ALOX5: variants seen among roughly 807,000 people sequenced by gnomAD.
ALOX5 encodes arachidonate 5-lipoxygenase.
A neutral mutation model predicts 87.9 loss-of-function variants in ALOX5; 64 were observed. That is an observed-to-expected ratio of 0.73 (90% CI 0.60 to 0.90). The LOEUF is 0.90. ALOX5 is among the 40% of genes least tolerant of loss of function. The pLI, the probability that ALOX5 is intolerant of heterozygous loss-of-function variation, is 0.00. For missense variants in ALOX5, 822 were observed against 907.5 expected, an observed-to-expected ratio of 0.91 and a Z score of 1.21; for synonymous variants, 388 against 355.1, an observed-to-expected ratio of 1.09 and a Z score of -1.04.
intron 2 of ALOX5, among the ~76,000 whole-genome samples, chr10:45,384,402 C>T (rs1469628169): frequency 6.6e-6 from 1 of 152,176 alleles, no homozygotes; most frequent in African/African-American, 2.4e-5. Context: ...TAACTTTAAA[C>T]AGCCATTTAA....
At chr10:45,416,257 G>A (rs1371106261) in intron 4 of ALOX5, among the ~76,000 whole-genome samples, 1 of 152,170 alleles carries the variant, frequency 6.6e-6, no homozygotes, top group Non-Finnish European at 1.5e-5. Flanking sequence ...CAAGGTCAAG[G>A]AGTTTGCCTA....
At chr10:45,420,103 T>C (rs1255961953) in intron 4 of ALOX5, among the ~76,000 whole-genome samples, 1 of 152,206 alleles carries the variant, frequency 6.6e-6, no homozygotes, top group Admixed American at 6.5e-5. Context: ...ACAAGTAGGA[T>C]TCTCCCACTT....
At chr10:45,391,399 A>G (rs560671200) in intron 2 of ALOX5, among the ~76,000 whole-genome samples, 9 of 152,220 alleles carry the variant, frequency 5.9e-5, no homozygotes, top group South Asian at 2.1e-4. Flanking sequence ...TCAGTGCTCA[A>G]TGGTGCCCAG....
At chr10:45,440,667 G>A (rs1842206566) in intron 8 of ALOX5, 34 bp downstream of exon 8, 1 of 1,605,012 alleles carries the variant, frequency 6.2e-7, no homozygotes, top group Admixed American at 1.7e-5. Flanking sequence ...TGCTATGGGA[G>A]GGCATCTGAG....
intron 2 of ALOX5, among the ~76,000 whole-genome samples, chr10:45,388,578 AG>A (rs1840083740): frequency 6.6e-6 from 1 of 152,258 alleles, no homozygotes; most frequent in Non-Finnish European, 1.5e-5. Flanking sequence ...TCGGGCAAAC[AG>A]GGTCTGGAGT....
At chr10:45,414,597 TTAAAC>T (rs1348673569) in intron 4 of ALOX5, among the ~76,000 whole-genome samples, 3 of 152,150 alleles carry the variant, frequency 2.0e-5, no homozygotes, top group Non-Finnish European at 4.4e-5. Flanking sequence ...TGGGATCTAA[TTAAAC>T]TAAAGAGCTT....
At chr10:45,387,653 AG>A (rs768427365) in intron 2 of ALOX5, among the ~76,000 whole-genome samples, 6 of 152,166 alleles carry the variant, frequency 3.9e-5, no homozygotes, top group African/African-American at 9.7e-5. Flanking sequence ...GTGAGAACCA[AG>A]CCTGGCTCTT....
chr10:45,445,096 C>T (rs1842395089), intron 13 of ALOX5, among the ~76,000 whole-genome samples: 1 of 152,272 alleles, frequency 6.6e-6, no homozygotes, highest in South Asian at 2.1e-4. Flanking sequence ...CTCCCTGGCC[C>T]GCTTTCTGCC....
chr10:45,419,610 A>C (rs901623821), intron 4 of ALOX5, among the ~76,000 whole-genome samples: 3 of 152,212 alleles, frequency 2.0e-5, no homozygotes, highest in Admixed American at 6.5e-5. Context: ...GTGGGTGCGG[A>C]GGCTCACGCC....
At chr10:45,385,426 C>A (rs1379145768) in intron 2 of ALOX5, among the ~76,000 whole-genome samples, 1 of 152,244 alleles carries the variant, frequency 6.6e-6, no homozygotes, top group African/African-American at 2.4e-5. Flanking sequence ...TCCAGGCTTT[C>A]TCATCCTGCT....
chr10:45,425,273 C>A lies in ALOX5; in HGVS notation c.834+141C>A. 1.0e-6 allele frequency: 1 copy of A among 993,690 alleles called. No homozygotes were observed. The highest frequency in any genetic ancestry group is 1.8e-5 in the South Asian group (1 of 56,570). The allele number at this position is 993,690 out of a possible 1,614,324, so 61.6% of individuals were successfully genotyped here. On this transcript the variant is annotated intron_variant, in intron 6 of 13. Coordinates refer to ENST00000374391, the MANE Select transcript of ALOX5 (RefSeq NM_000698.5). The surrounding 1 kb of genome is among the most constrained non-coding windows in gnomAD (Gnocchi z 4.4). ...TACAGCAGCCGCTTCCTTTTCCTGG[C>A]AGCAGTGTCAGCCAGGGTCCTGGGC...
chr10:45,384,363 C>G (rs996204168), intron 2 of ALOX5, among the ~76,000 whole-genome samples: 1 of 152,220 alleles, frequency 6.6e-6, no homozygotes, highest in African/African-American at 2.4e-5. Flanking sequence ...GTTCCATTCT[C>G]TCTACTGCTG....
intron 3 of ALOX5, among the ~76,000 whole-genome samples, chr10:45,397,442 A>C (rs1472493419): frequency 1.3e-5 from 2 of 152,234 alleles, no homozygotes; most frequent in African/African-American, 4.8e-5. Flanking sequence ...GGCTGAATCC[A>C]GAAACAGGAT....
At position 45,424,960 on chromosome 10, in the gene ALOX5, A is replaced by G. The variant is rs1841643765; in HGVS notation, c.662A>G (p.Glu221Gly). The change falls in exon 6 of 14, where the codon GAG becomes GGG. Residue 221 changes from glutamate to glycine, a missense_variant and splice_region_variant. Glu to Gly is a moderately conservative substitution (Grantham distance 98, BLOSUM62 -2). Coordinates refer to ENST00000374391, the MANE Select transcript of ALOX5 (RefSeq NM_000698.5). ...IFVKISNTIS[E>G]RVMNHWQEDL... Reference sequence around the variant, plus strand: ...GTGGGCCTCGCTTTTCTCCTGGTAGAGCGGGTCATGAATCACTGGCAGGAA... The same window carrying G: ...GTGGGCCTCGCTTTTCTCCTGGTAGGGCGGGTCATGAATCACTGGCAGGAA... 6.2e-7 allele frequency: 1 copy of G among 1,614,142 alleles called. No individual in the cohort carries two copies. Among genetic ancestry groups the G allele is most frequent in the Non-Finnish European group, 8.5e-7 (1 of 1,180,000 alleles).
Position 45,442,831 on chromosome 10 carries a change from T to C in ALOX5, c.1273-207T>C, listed in dbSNP as rs548149612. On this transcript the variant is annotated intron_variant, in intron 9 of 13. Coordinates refer to ENST00000374391, the MANE Select transcript of ALOX5 (RefSeq NM_000698.5). ...CCACGGTTCAGTCCCTTGCATTGGA[T>C]TGGGCGGGAGGCTCCTCCCTAGCAC... The C allele has an allele frequency of 5.3e-5, 31 of 580,828 alleles. No individual in the cohort carries two copies. The African/African-American group carries it at 5.6e-4, about 11-fold the overall frequency. 36.0% of individuals were successfully genotyped at this position (580,828 alleles called of 1,614,324 possible). A position where few individuals can be genotyped will look rare whatever the true frequency, so the allele number is the denominator to read the frequency against.
At chr10:45,438,338 C>T (rs1842121860) in intron 7 of ALOX5, among the ~76,000 whole-genome samples, 4 of 152,112 alleles carry the variant, frequency 2.6e-5, no homozygotes, top group Admixed American at 2.0e-4. Context: ...GGGAGAGCTG[C>T]TAAACCAGCT....
rs1839887164 is a variant in ALOX5, at chr10:45,382,762, G to A, written c.349+81G>A. 5.3e-6 allele frequency: 8 copies of A among 1,496,034 alleles called. No individual in the cohort carries two copies. The East Asian group carries it at 7.4e-5, about 14-fold the overall frequency. The allele number at this position is 1,496,034 out of a possible 1,614,324, so 92.7% of individuals were successfully genotyped here. On this transcript the variant is annotated intron_variant, in intron 2 of 13. Coordinates refer to ENST00000374391, the MANE Select transcript of ALOX5 (RefSeq NM_000698.5). ...TGTCCTCAAAGCACTGTAGTCATAGGAGGAATGACACTGCTGTGCAGGGGC... is the reference window on the plus strand; with the variant it reads ...TGTCCTCAAAGCACTGTAGTCATAGAAGGAATGACACTGCTGTGCAGGGGC...
chr10:45,422,487 G>C (rs1413623022), intron 4 of ALOX5, among the ~76,000 whole-genome samples: 1 of 152,134 alleles, frequency 6.6e-6, no homozygotes, highest in Non-Finnish European at 1.5e-5. Context: ...GAGTGCCCCG[G>C]GCACAGTCCC....
intron 2 of ALOX5, among the ~76,000 whole-genome samples, chr10:45,391,886 C>A (rs183741163): frequency 1.2e-3 from 137 of 113,484 alleles, no homozygotes; most frequent in Non-Finnish European, 1.6e-3. Flanking sequence ...CGCCCGGCAG[C>A]CGCCCCTTCT....
Sources: allele counts gnomAD v4.1 joint callset (sites outside exome capture counted in the v4.1 genomes callset), GRCh38; gene constraint gnomAD v4.1.1; non-coding constraint Gnocchi (gnomAD v3.1); transcripts MANE v1.5; gene names NCBI Gene and HGNC (gene_info 2026-07-23, HGNC 2026-07-21).